The following NUP210 variants were observed in gnomAD, a reference collection of about 807,000 sequenced individuals.
NUP210 encodes the protein nuclear pore membrane glycoprotein 210.
Under a neutral mutation model 196.0 loss-of-function variants are expected in NUP210, and 151 were observed. The observed-to-expected ratio is 0.77, with a 90% CI of 0.67 to 0.88. NUP210 has a LOEUF of 0.88. NUP210 is among the 40% of genes least tolerant of loss of function. NUP210 has a pLI of 0.00. For missense variants in NUP210, 2,314 were observed against 2,493.7 expected (o/e 0.93, Z 1.53); for synonymous variants, 1,070 against 1,052.7 (o/e 1.02, Z -0.32).
At position 13,379,010 on chromosome 3, in the gene NUP210, T is replaced by C. The variant is rs770189085; in HGVS notation, c.977-30A>G. On this transcript the variant is annotated intron_variant, in intron 7 of 39. Transcript: ENST00000254508. This position sits in a 1 kb window ranked among gnomAD's most constrained non-coding sequence, Gnocchi z 4.2. ...ATTTTGAATTAAGGGGCAAGACATA[T>C]GACAGCAAATAAACCAGCTGGCTGG... 4 of 1,591,090 alleles carry C rather than the reference T, an allele frequency of 2.5e-6. No homozygotes were observed. In the East Asian group the frequency reaches 6.7e-5, roughly 27 times the overall value.
intron 15 of NUP210, 24 bp from the exon 16 acceptor site, chr3:13,358,419 A>G: frequency 6.3e-7 from 1 of 1,587,076 alleles, no homozygotes; most frequent in Admixed American, 1.7e-5. Flanking sequence ...GTGAACAGTC[A>G]GACCCCCAAG....
At chr3:13,418,966 A>G (rs1318524051) in intron 1 of NUP210, among the ~76,000 whole-genome samples, 2 of 140,672 alleles carry the variant, frequency 1.4e-5, no homozygotes, top group African/African-American at 2.8e-5. Flanking sequence ...AAAAAAAAAA[A>G]AAAAAAAGAA....
chr3:13,412,672 C>G (rs1316001587), intron 1 of NUP210, among the ~76,000 whole-genome samples: 2 of 151,424 alleles, frequency 1.3e-5, no homozygotes, highest in Admixed American at 1.3e-4. Context: ...CAAGATCTTG[C>G]CACTGTACTC....
chr3:13,333,235 C>A (rs781627479), intron 28 of NUP210, among the ~76,000 whole-genome samples: 1 of 152,242 alleles, frequency 6.6e-6, no homozygotes, highest in African/African-American at 2.4e-5. Flanking sequence ...GAACTCCAGG[C>A]CCCTTCTCTG....
intron 25 of NUP210, among the ~76,000 whole-genome samples, chr3:13,339,115 T>G (rs111323427): frequency 1.3e-4 from 20 of 152,284 alleles, no homozygotes; most frequent in African/African-American, 4.6e-4. Flanking sequence ...GTCTTCATAA[T>G]TGACACACAC....
chr3:13,385,947 CA>C (rs1699255617), intron 6 of NUP210, among the ~76,000 whole-genome samples: 1 of 152,058 alleles, frequency 6.6e-6, no homozygotes, highest in African/African-American at 2.4e-5. Context: ...AAGCCAGTTA[CA>C]AAAAAATAAA....
At chr3:13,358,718 C>A (rs1698271596) in intron 15 of NUP210, among the ~76,000 whole-genome samples, 1 of 152,168 alleles carries the variant, frequency 6.6e-6, no homozygotes, top group Non-Finnish European at 1.5e-5. Flanking sequence ...AGAAAATTCA[C>A]AAGTTCAAGG....
At chr3:13,334,848 A>G (rs1697143581) in intron 28 of NUP210, among the ~76,000 whole-genome samples, 4 of 152,078 alleles carry the variant, frequency 2.6e-5, no homozygotes, top group Admixed American at 2.6e-4. Flanking sequence ...CGCAGTCCTG[A>G]CCCCTGGCTC....
At chr3:13,399,353 T>C (rs1699763725) in intron 2 of NUP210, among the ~76,000 whole-genome samples, 1 of 151,922 alleles carries the variant, frequency 6.6e-6, no homozygotes, top group Non-Finnish European at 1.5e-5. Context: ...TAGAAAATTA[T>C]ATTGTTGTTG....
rs1251865118 is a variant in NUP210 at position 13,316,283 on chromosome 3, TA to T, written c.*1397del. 1 of 152,254 alleles carries T rather than the reference TA, an allele frequency of 6.6e-6. No homozygotes were observed. The highest frequency in any genetic ancestry group is 6.5e-5 in the Admixed American group (1 of 15,290). 9.4% of individuals were successfully genotyped at this position (152,254 alleles called of 1,614,324 possible). A position where few individuals can be genotyped will look rare whatever the true frequency, so the allele number is the denominator to read the frequency against. The stretch of plus-strand genomic sequence containing the variant: ...TTAAATAAACCAGTAGAAAGGCTCC[TA>T]TTTACATCCAGGTTGTCAGTTTAAG... On this transcript the variant is annotated 3_prime_UTR_variant, in exon 40 of 40. Transcript: ENST00000254508.
intron 14 of NUP210, among the ~76,000 whole-genome samples, chr3:13,365,402 A>G (rs570198778): frequency 1.2e-3 from 187 of 152,254 alleles, no homozygotes; most frequent in African/African-American, 4.4e-3. Context: ...GGTGGTATGG[A>G]CACTGAGGCT....
chr3:13,342,768 C>T (rs896582429), intron 21 of NUP210, among the ~76,000 whole-genome samples: 1 of 152,178 alleles, frequency 6.6e-6, no homozygotes, highest in Non-Finnish European at 1.5e-5. Context: ...TGCAATGGCG[C>T]TTGGCATGGG....
At chr3:13,324,210 C>A (rs1036460795) in intron 33 of NUP210, among the ~76,000 whole-genome samples, 1 of 55,874 alleles carries the variant, frequency 1.8e-5, no homozygotes, top group Non-Finnish European at 5.0e-5. Context: ...TAGCCTGGGA[C>A]CCCCCAACGC....
intron 14 of NUP210, among the ~76,000 whole-genome samples, chr3:13,360,854 T>C (rs1310974996): frequency 6.6e-6 from 1 of 152,214 alleles, no homozygotes; most frequent in Non-Finnish European, 1.5e-5. Flanking sequence ...CATGTCAATG[T>C]ACAGACAGAT....
At chr3:13,327,154 C>A in intron 32 of NUP210, 63 bp downstream of exon 32, 1 of 1,374,086 alleles carries the variant, frequency 7.3e-7, no homozygotes, top group South Asian at 1.3e-5. Flanking sequence ...GCCCAGGTAG[C>A]CCCCACCCAG....
Position 13,379,396 on chromosome 3 carries a change from C to T in NUP210, c.976+167G>A, listed in dbSNP as rs566665397. 6.6e-6 allele frequency among the ~76,000 whole-genome samples: 1 copy of T among 152,134 alleles called. No homozygotes were observed. The highest frequency in any genetic ancestry group is 1.5e-5 in the Non-Finnish European group (1 of 68,022). On this transcript the variant is annotated intron_variant, in intron 7 of 39. Transcript: ENST00000254508. The surrounding 1 kb of genome is among the most constrained non-coding windows in gnomAD (Gnocchi z 4.2). Reference sequence around the variant, plus strand: ...GCCTCTGGGGTGAGTCACCCACAGCCGTGAGCAATTCCACTCAGCAGTGCT... The same window carrying T: ...GCCTCTGGGGTGAGTCACCCACAGCTGTGAGCAATTCCACTCAGCAGTGCT...
At chr3:13,407,112 A>T (rs1224301428) in intron 1 of NUP210, among the ~76,000 whole-genome samples, 1 of 152,176 alleles carries the variant, frequency 6.6e-6, no homozygotes, top group Non-Finnish European at 1.5e-5. Flanking sequence ...AATAGCACCT[A>T]TACAAAGCAC....
chr3:13,332,433 T>C (rs1331214902), intron 28 of NUP210, 49 bp from the exon 29 acceptor site: 2 of 1,395,546 alleles, frequency 1.4e-6, no homozygotes, highest in African/African-American at 2.8e-5. Flanking sequence ...GGAGTCACAT[T>C]CAGGCCAGAT....
Position 13,384,839 on chromosome 3 carries a change from C to T in NUP210, c.817+1436G>A, listed in dbSNP as rs114912329. Among the ~76,000 whole-genome samples the T allele has an allele frequency of 1.9e-3, 292 of 152,306 alleles. 2 individuals are homozygous for T. The highest frequency in any genetic ancestry group is 6.7e-3 in the African/African-American group (278 of 41,572). The stretch of plus-strand genomic sequence containing the variant: ...AGAACTCTATCTTGGAGCCTCCTCC[C>T]CTTTCAGAGTCTCAGAAAGCCACAT... On this transcript the variant is annotated intron_variant, in intron 6 of 39. Transcript: ENST00000254508.
Sources: allele counts gnomAD v4.1 joint callset (sites outside exome capture counted in the v4.1 genomes callset), GRCh38; gene constraint gnomAD v4.1.1; non-coding constraint Gnocchi (gnomAD v3.1); transcripts MANE v1.5; gene names NCBI Gene and HGNC (gene_info 2026-07-23, HGNC 2026-07-21).